Variants in CFAP299 observed in about 807,000 individuals in gnomAD.
CFAP299 encodes cilia- and flagella-associated protein 299.
CFAP299 carries 21 observed loss-of-function variants against 27.0 expected under a neutral mutation model. The ratio of observed to expected loss-of-function variants is 0.78; its 90% CI spans 0.55 to 1.12. The LOEUF is 1.12. Ranked by LOEUF, CFAP299 falls within the 50% of genes most tolerant of loss-of-function variation. The pLI is 0.00. For synonymous variants in CFAP299, 104 were observed against 98.1 expected, an observed-to-expected ratio of 1.06 and a Z score of -0.36; for missense variants, 310 against 276.6, an observed-to-expected ratio of 1.12 and a Z score of -0.86.
intron 3 of CFAP299, among the ~76,000 whole-genome samples, chr4:80,627,360 C>T (rs1255576448): frequency 1.3e-5 from 2 of 151,904 alleles, no homozygotes; most frequent in Non-Finnish European, 2.9e-5. Flanking sequence ...ACAATTGAAG[C>T]TATATATGAT....
intron 2 of CFAP299, among the ~76,000 whole-genome samples, chr4:80,373,331 G>T (rs969812157): frequency 5.3e-5 from 8 of 151,996 alleles, no homozygotes; most frequent in Non-Finnish European, 2.9e-5. Context: ...AACTGTGTGG[G>T]TATTACATTT....
At chr4:80,729,670 G>GCTCACTAC (rs1394751174) in intron 3 of CFAP299, among the ~76,000 whole-genome samples, 13 of 143,198 alleles carry the variant, frequency 9.1e-5, no homozygotes, top group Admixed American at 5.2e-4. Flanking sequence ...CAAGATCTTG[G>GCTCACTAC]CTCACTACAA....
At chr4:80,670,501 C>T (rs929899237) in intron 3 of CFAP299, among the ~76,000 whole-genome samples, 1 of 152,132 alleles carries the variant, frequency 6.6e-6, no homozygotes, top group Admixed American at 6.6e-5. Flanking sequence ...TGGGTATATA[C>T]CCCGTAATGG....
At chr4:80,832,762 A>C (rs1353276173) in intron 3 of CFAP299, among the ~76,000 whole-genome samples, 1 of 152,148 alleles carries the variant, frequency 6.6e-6, no homozygotes, top group Non-Finnish European at 1.5e-5. Flanking sequence ...ATAAGTTGTG[A>C]TCATGGAATC....
At chr4:80,402,831 C>T in intron 2 of CFAP299, among the ~76,000 whole-genome samples, 1 of 152,130 alleles carries the variant, frequency 6.6e-6, no homozygotes, top group East Asian at 1.9e-4. Context: ...TATTCTCAAT[C>T]ATAGAAATCA....
chr4:80,772,904 G>A (rs1726303797), intron 3 of CFAP299, among the ~76,000 whole-genome samples: 1 of 152,158 alleles, frequency 6.6e-6, no homozygotes, highest in Non-Finnish European at 1.5e-5. Context: ...AAAGACACAT[G>A]CACACATATG....
At chr4:80,477,406 T>A (rs1383429920) in intron 2 of CFAP299, among the ~76,000 whole-genome samples, 2 of 152,152 alleles carry the variant, frequency 1.3e-5, no homozygotes, top group African/African-American at 4.8e-5. Context: ...TTGCTTTCTG[T>A]CACTCTCTTT....
intron 3 of CFAP299, among the ~76,000 whole-genome samples, chr4:80,611,051 C>T (rs1001465869): frequency 6.6e-6 from 1 of 152,022 alleles, no homozygotes; most frequent in African/African-American, 2.4e-5. Flanking sequence ...GACTCAATTC[C>T]CTTGAGACAG....
intron 2 of CFAP299, among the ~76,000 whole-genome samples, chr4:80,477,537 C>A (rs1730343842): frequency 6.6e-6 from 1 of 152,172 alleles, no homozygotes; most frequent in East Asian, 1.9e-4. Context: ...CATGCACATC[C>A]ATCTTATCCC....
intron 3 of CFAP299, among the ~76,000 whole-genome samples, chr4:80,614,205 A>G (rs1443057620): frequency 9.2e-5 from 14 of 152,150 alleles, no homozygotes; most frequent in African/African-American, 2.4e-5. Context: ...ATTTTTTTCT[A>G]TCCTAATGGA....
chr4:80,916,296 T>TATATATA (rs1578236267), intron 4 of CFAP299, among the ~76,000 whole-genome samples: 287 of 130,512 alleles, frequency 2.2e-3, no homozygotes, highest in Non-Finnish European at 3.0e-3. Flanking sequence ...TATATATATA[T>TATATATA]TTCAGGTACA....
intron 3 of CFAP299, among the ~76,000 whole-genome samples, chr4:80,751,127 T>C (rs1430245098): frequency 6.6e-6 from 1 of 152,160 alleles, no homozygotes; most frequent in African/African-American, 2.4e-5. Flanking sequence ...ATTTTTGCAT[T>C]GATTCTTATC....
intron 3 of CFAP299, among the ~76,000 whole-genome samples, chr4:80,719,608 T>C (rs1232300303): frequency 6.6e-6 from 1 of 152,246 alleles, no homozygotes; most frequent in Non-Finnish European, 1.5e-5. Context: ...GAAAGTGCTA[T>C]ATAAACTGCA....
At chr4:80,550,793 A>G (rs1734476109) in intron 2 of CFAP299, among the ~76,000 whole-genome samples, 1 of 151,940 alleles carries the variant, frequency 6.6e-6, no homozygotes, top group African/African-American at 2.4e-5. Flanking sequence ...ACGCACACAC[A>G]CACACGCATA....
intron 3 of CFAP299, among the ~76,000 whole-genome samples, chr4:80,834,305 G>A (rs1730448889): frequency 6.6e-6 from 1 of 152,124 alleles, no homozygotes; most frequent in East Asian, 1.9e-4. Context: ...GGTCCCCAAG[G>A]CAGTAGTCTC....
intron 3 of CFAP299, among the ~76,000 whole-genome samples, chr4:80,819,340 C>T (rs1729582710): frequency 6.6e-6 from 1 of 152,030 alleles, no homozygotes; most frequent in African/African-American, 2.4e-5. Flanking sequence ...ATGCAGATGA[C>T]CTAGGGCTTC....
intron 3 of CFAP299, among the ~76,000 whole-genome samples, chr4:80,793,291 G>A (rs150161157): frequency 2.8e-4 from 43 of 152,108 alleles, no homozygotes; most frequent in Admixed American, 5.2e-4. Flanking sequence ...GATGTAGGCT[G>A]GGAGGCTAGG....
chr4:80,476,912 CCTG>C (rs1399815939), intron 2 of CFAP299, among the ~76,000 whole-genome samples: 6 of 151,652 alleles, frequency 4.0e-5, no homozygotes, highest in African/African-American at 1.5e-4. Flanking sequence ...ATCCCTGGAG[CCTG>C]CTTTTCTCAG....
chr4:80,943,807 G>A (rs1401203345), intron 4 of CFAP299, among the ~76,000 whole-genome samples: 5 of 152,058 alleles, frequency 3.3e-5, no homozygotes, highest in Admixed American at 3.3e-4. Flanking sequence ...AGTGGCTCAC[G>A]CCTGTAATCC....
Sources: gnomAD v4.1 joint callset for allele counts (sites outside exome capture counted in the v4.1 genomes callset) on GRCh38, gnomAD v4.1.1 for gene constraint, MANE v1.5 for transcripts, NCBI Gene and HGNC (gene_info 2026-07-23, HGNC 2026-07-21) for gene names.